Variants in RBFOX1 observed in about 807,000 individuals in gnomAD.
RBFOX1 encodes RNA binding protein fox-1 homolog 1.
In RBFOX1, 8 loss-of-function variants were observed where a neutral mutation model predicts 57.7. The observed-to-expected ratio is 0.14, with a 90% CI of 0.08 to 0.25. RBFOX1 has a LOEUF of 0.25. Among genes scored for constraint, RBFOX1 ranks in the 10% least tolerant of loss-of-function variants. The probability of loss-of-function intolerance (pLI) is 1.00; values close to 1 mark genes in which losing one functional copy is unlikely to be tolerated. For synonymous variants in RBFOX1, 326 were observed against 222.4 expected (o/e 1.47, Z -4.15); for missense variants, 611 against 548.5 (o/e 1.11, Z -1.14).
chr16:6,889,000 A>G (rs1448327905), intron 3 of RBFOX1, among the ~76,000 whole-genome samples: 1 of 152,156 alleles, frequency 6.6e-6, no homozygotes. Flanking sequence ...CTGTCCTTCC[A>G]CTTAGATTGC....
At chr16:7,126,876 G>A (rs1315629500) in intron 4 of RBFOX1, among the ~76,000 whole-genome samples, 1 of 151,958 alleles carries the variant, frequency 6.6e-6, no homozygotes, top group East Asian at 1.9e-4. Context: ...GGATGTGGTG[G>A]CAGGCACCTG....
chr16:6,799,248 C>T (rs1465205390), intron 3 of RBFOX1, among the ~76,000 whole-genome samples: 1 of 152,098 alleles, frequency 6.6e-6, no homozygotes, highest in Non-Finnish European at 1.5e-5. Flanking sequence ...TCCATAGACA[C>T]AGCAGGGCCA....
rs568970742 is a variant in RBFOX1 at position 7,589,341 on chromosome 16, C to T, written c.468+2041C>T. The stretch of plus-strand genomic sequence containing the variant: ...ATTCCTTCTGAGAGCTGTTTTGGGA[C>T]ATTAGAAGAATATCATTTGCCATTT... On this transcript the variant is annotated intron_variant, in intron 7 of 15. Transcript: ENST00000550418. 2.0e-5 allele frequency among the ~76,000 whole-genome samples: 3 copies of T among 152,244 alleles called. No individual in the cohort carries two copies. The South Asian group carries it at 6.2e-4, about 32-fold the overall frequency.
At chr16:6,929,636 C>G (rs62017713) in intron 3 of RBFOX1, among the ~76,000 whole-genome samples, 159 of 152,152 alleles carry the variant, frequency 1.0e-3, no homozygotes, top group Non-Finnish European at 1.8e-3. Context: ...ATTTTTCTCA[C>G]CTTTAGGGAT....
intron 1 of RBFOX1, among the ~76,000 whole-genome samples, chr16:6,241,545 A>C (rs991587264): frequency 2.6e-5 from 4 of 152,216 alleles, no homozygotes; most frequent in African/African-American, 7.2e-5. Context: ...AGAGCAATAC[A>C]CAGTTAGATG....
At chr16:5,987,159 A>C (rs917375224) in intron 4 of RBFOX1, among the ~76,000 whole-genome samples, 1 of 152,158 alleles carries the variant, frequency 6.6e-6, no homozygotes, top group African/African-American at 2.4e-5. Flanking sequence ...CTCATTTACC[A>C]ACTGCATCTA....
chr16:7,279,386 C>G (rs1264104697), intron 4 of RBFOX1, among the ~76,000 whole-genome samples: 4 of 152,148 alleles, frequency 2.6e-5, no homozygotes, highest in African/African-American at 9.7e-5. Flanking sequence ...GGGCTTTGCT[C>G]TTGAATTCAT....
chr16:7,544,181 T>A (rs1012877064), intron 5 of RBFOX1, among the ~76,000 whole-genome samples: 6 of 152,316 alleles, frequency 3.9e-5, no homozygotes, highest in Admixed American at 3.9e-4. Flanking sequence ...CTACATTATA[T>A]TTCACACCTC....
intron 3 of RBFOX1, among the ~76,000 whole-genome samples, chr16:6,805,555 C>A (rs1335527537): frequency 6.7e-6 from 1 of 149,830 alleles, no homozygotes; most frequent in African/African-American, 2.5e-5. Context: ...AAAAAATTCT[C>A]ACTTCAGTTA....
chr16:6,163,445 G>T (rs138096622), intron 1 of RBFOX1, among the ~76,000 whole-genome samples: 2 of 152,186 alleles, frequency 1.3e-5, no homozygotes, highest in Non-Finnish European at 2.9e-5. Flanking sequence ...ATAGCCCTTG[G>T]TTATGCTAAA....
chr16:5,368,530 A>T (rs1384047540), intron 1 of RBFOX1, among the ~76,000 whole-genome samples: 1 of 152,194 alleles, frequency 6.6e-6, no homozygotes, highest in African/African-American at 2.4e-5. Flanking sequence ...TGTTTCTTTC[A>T]TATTGGGTAA....
At chr16:7,261,378 A>G (rs1216562348) in intron 4 of RBFOX1, among the ~76,000 whole-genome samples, 1 of 152,234 alleles carries the variant, frequency 6.6e-6, no homozygotes, top group African/African-American at 2.4e-5. Context: ...ACATCAAGGC[A>G]GCAGAATGTG....
chr16:6,583,658 G>C (rs2097567697), intron 2 of RBFOX1, among the ~76,000 whole-genome samples: 1 of 152,170 alleles, frequency 6.6e-6, no homozygotes, highest in African/African-American at 2.4e-5. Flanking sequence ...AAGGTAACTA[G>C]GTATTTTAAA....
intron 3 of RBFOX1, among the ~76,000 whole-genome samples, chr16:6,950,805 A>G (rs1182888613): frequency 2.6e-5 from 4 of 152,164 alleles, no homozygotes; most frequent in African/African-American, 9.7e-5. Flanking sequence ...ATCACAACAG[A>G]TGCTAAAGGA....
chr16:6,576,419 T>C (rs544065224), intron 2 of RBFOX1, among the ~76,000 whole-genome samples: 1 of 152,240 alleles, frequency 6.6e-6, no homozygotes, highest in African/African-American at 2.4e-5. Context: ...GTGGACCCAG[T>C]TGGGAATCAG....
At position 5,641,994 on chromosome 16, in the gene RBFOX1, G is replaced by C. The variant is rs184238544; in HGVS notation, c.318+43033G>C. On this transcript the variant is annotated intron_variant, in intron 3 of 19. Coordinates refer to the RBFOX1 transcript ENST00000641259. ...TGGGACTCGTGATTCTGGATCTCGA[G>C]TGAGTTCTCAGGGGATACCAAGGCT... Among the ~76,000 whole-genome samples, 3 of 152,310 alleles carry C rather than the reference G, an allele frequency of 2.0e-5. 1 individual carries two copies. The highest frequency in any genetic ancestry group is 1.3e-4 in the Admixed American group (2 of 15,298).
At chr16:6,651,509 A>C (rs760721046) in intron 2 of RBFOX1, among the ~76,000 whole-genome samples, 8 of 152,112 alleles carry the variant, frequency 5.3e-5, no homozygotes, top group Non-Finnish European at 1.0e-4. Context: ...GTTAAAATAG[A>C]AGTCAGATCA....
intron 3 of RBFOX1, among the ~76,000 whole-genome samples, chr16:6,951,030 C>T (rs1193676584): frequency 6.6e-6 from 1 of 151,970 alleles, no homozygotes; most frequent in African/African-American, 2.4e-5. Context: ...CTCTGCCTCT[C>T]GAGTAGGTGG....
intron 4 of RBFOX1, among the ~76,000 whole-genome samples, chr16:7,315,495 A>C (rs917798151): frequency 2.0e-5 from 3 of 147,898 alleles, no homozygotes; most frequent in Admixed American, 6.8e-5. Context: ...TTCTTTTACA[A>C]ATGTGAAAGT....
Sources: allele counts gnomAD v4.1 joint callset (sites outside exome capture counted in the v4.1 genomes callset), GRCh38; gene constraint gnomAD v4.1.1; transcripts MANE v1.5; gene names NCBI Gene and HGNC (gene_info 2026-07-23, HGNC 2026-07-21).